NFATC2IP: variants seen among roughly 807,000 people sequenced by gnomAD.
NFATC2IP encodes nuclear factor of activated T cells 2 interacting protein.
Under a neutral mutation model 40.2 loss-of-function variants are expected in NFATC2IP, and 25 were observed. That is an observed-to-expected ratio of 0.62 (90% confidence interval 0.45 to 0.87). The LOEUF (loss-of-function observed/expected upper bound fraction) is 0.87, where lower values mean the gene tolerates loss of function less well. NFATC2IP is among the 40% of genes least tolerant of loss of function. NFATC2IP has a pLI of 0.00. For synonymous variants in NFATC2IP, 241 were observed against 236.3 expected (o/e 1.02, Z -0.18); for missense variants, 553 against 555.6 (o/e 1.00, Z 0.05).
intron 7 of NFATC2IP, among the ~76,000 whole-genome samples, chr16:28,961,352 A>G (rs1278818922): frequency 6.7e-6 from 1 of 149,706 alleles, no homozygotes; most frequent in African/African-American, 2.5e-5. Context: ...AAAAAAAAAA[A>G]AATTATTCCA....
intron 3 of NFATC2IP, among the ~76,000 whole-genome samples, chr16:28,955,702 G>A (rs772505529): frequency 1.3e-5 from 2 of 152,026 alleles, no homozygotes; most frequent in Admixed American, 6.6e-5. Context: ...GGGTTCAAGC[G>A]ACCCTCCCAC....
chr16:28,958,483 T>C (rs1362727314), intron 5 of NFATC2IP: 5 of 431,246 alleles, frequency 1.2e-5, no homozygotes, highest in Non-Finnish European at 8.3e-6. Context: ...TTTGCTGCAA[T>C]CCCCACCACC....
intron 5 of NFATC2IP, among the ~76,000 whole-genome samples, chr16:28,958,105 T>C (rs1019419183): frequency 7.7e-6 from 1 of 129,788 alleles, no homozygotes; most frequent in African/African-American, 3.4e-5. Context: ...CCGCCTCTAC[T>C]AAAAATAGAA....
At position 28,952,217 on chromosome 16, in the gene NFATC2IP, C is replaced by T. The variant is rs760919530; in HGVS notation, c.460+13C>T. 6.2e-7 allele frequency: 1 copy of T among 1,613,380 alleles called. No individual in the cohort carries two copies. The highest frequency in any genetic ancestry group is 1.1e-5 in the South Asian group (1 of 91,046). On this transcript the variant is annotated intron_variant, in intron 2 of 7. Coordinates refer to ENST00000320805, the MANE Select transcript of NFATC2IP (RefSeq NM_032815.4). ...GGGGATGAGGAAGGTAAGGGAGGGCCTCCAGGGAGAGGCACGCAGCCGCTG... is the reference window on the plus strand; with the variant it reads ...GGGGATGAGGAAGGTAAGGGAGGGCTTCCAGGGAGAGGCACGCAGCCGCTG...
intron 1 of NFATC2IP, among the ~76,000 whole-genome samples, chr16:28,951,918 C>T (rs1964971171): frequency 6.6e-6 from 1 of 152,062 alleles, no homozygotes; most frequent in African/African-American, 2.4e-5. Flanking sequence ...GCATACATTT[C>T]AGAGTGTCTT....
intron 5 of NFATC2IP, 56 bp from the exon 6 acceptor site, chr16:28,958,661 G>T: frequency 1.3e-6 from 2 of 1,491,554 alleles, no homozygotes; most frequent in Non-Finnish European, 1.8e-6. Context: ...TGGTGTGGCT[G>T]GGGGCATGGA....
chr16:28,962,034 G>A (rs1567514662), intron 7 of NFATC2IP, among the ~76,000 whole-genome samples: 1 of 151,894 alleles, frequency 6.6e-6, no homozygotes, highest in Non-Finnish European at 1.5e-5. Flanking sequence ...CTCCTGAGTA[G>A]TTGGGACTAC....
chr16:28,951,072 G>C lies in NFATC2IP; in HGVS notation c.61G>C (p.Gly21Arg). ...CGGAGGTAGCGGTGCCGGCCGAGGG[G>C]GTCGGGGCGGCTGGGGCGGTCGGGG... is the stretch of plus-strand genomic sequence containing the variant. Reference protein sequence around the residue: ...WSGGSGAGRGGRGGWGGRGRR... With the variant: ...WSGGSGAGRGRRGGWGGRGRR... The change falls in exon 1 of 8, where the codon GGT (glycine) becomes CGT (arginine). Residue 21 changes from glycine to arginine, a missense_variant. Transcript: ENST00000320805. 6 of 1,543,804 alleles carry C rather than the reference G, an allele frequency of 3.9e-6. No individual in the cohort carries two copies. The highest frequency in any genetic ancestry group is 5.2e-6 in the Non-Finnish European group (6 of 1,144,424).
chr16:28,962,750 T>C (rs1471987458), intron 7 of NFATC2IP, among the ~76,000 whole-genome samples: 4 of 152,212 alleles, frequency 2.6e-5, no homozygotes, highest in Non-Finnish European at 5.9e-5. Context: ...GGTCTCTTCA[T>C]GGAATCTGCC....
chr16:28,961,494 A>G (rs1471283570), intron 7 of NFATC2IP, among the ~76,000 whole-genome samples: 3 of 152,026 alleles, frequency 2.0e-5, no homozygotes, highest in African/African-American at 7.2e-5. Flanking sequence ...TTATTCTCTC[A>G]TTGTTCTGGA....
At position 28,950,961 on chromosome 16, in the gene NFATC2IP, G is replaced by C; in HGVS notation, c.-51G>C. 6.3e-6 allele frequency: 9 copies of C among 1,436,396 alleles called. No individual in the cohort carries two copies. The highest frequency in any genetic ancestry group is 8.2e-6 in the Non-Finnish European group (9 of 1,101,010). 89.0% of individuals were successfully genotyped at this position (1,436,396 alleles called of 1,614,324 possible). On this transcript the variant is annotated 5_prime_UTR_variant, in exon 1 of 8. Transcript: ENST00000320805. ...ATGCAAGGCGAAAGTCGCTGAAGGG[G>C]GCGGGGCGAGGCGAGAGGAGGCGGG... is the stretch of plus-strand genomic sequence containing the variant.
In NFATC2IP at chr16:28,964,195, A is replaced by G; in HGVS notation, c.*332A>G. The G allele has an allele frequency of 3.7e-6, 1 of 268,676 alleles. No individual in the cohort carries two copies. The highest frequency in any genetic ancestry group is 5.5e-5 in the South Asian group (1 of 18,052). The allele number at this position is 268,676 out of a possible 1,614,324, so 16.6% of individuals were successfully genotyped here. A position where few individuals can be genotyped will look rare whatever the true frequency, so the allele number is the denominator to read the frequency against. ...ATGGAAATGTCTGCTTTATGAAACTATGCACATATTGAAAGTGAGTTGAAA... is the reference window on the plus strand; with the variant it reads ...ATGGAAATGTCTGCTTTATGAAACTGTGCACATATTGAAAGTGAGTTGAAA... On this transcript the variant is annotated 3_prime_UTR_variant, in exon 8 of 8. Coordinates refer to ENST00000320805, the MANE Select transcript of NFATC2IP (RefSeq NM_032815.4).
In NFATC2IP at chr16:28,965,045, C is replaced by T. The variant is rs1394733047; in HGVS notation, c.*1182C>T. On this transcript the variant is annotated 3_prime_UTR_variant, in exon 8 of 8. Transcript: ENST00000320805. The stretch of plus-strand genomic sequence containing the variant: ...GGTGACTGACCCTCCTACTTGAGGC[C>T]GCCCTTTTCTCCTTATCCTTGCCAG... 4 of 152,154 alleles carry T rather than the reference C, an allele frequency of 2.6e-5. No individual in the cohort carries two copies. The highest frequency in any genetic ancestry group is 2.6e-4 in the Admixed American group (4 of 15,276). 9.4% of individuals were successfully genotyped at this position (152,154 alleles called of 1,614,324 possible).
At chr16:28,960,379 A>G (rs145964336) in intron 7 of NFATC2IP, among the ~76,000 whole-genome samples, 1 of 152,272 alleles carries the variant, frequency 6.6e-6, no homozygotes, top group Non-Finnish European at 1.5e-5. Flanking sequence ...TATACATCCC[A>G]TTCCAATATC....
intron 6 of NFATC2IP, 41 bp downstream of exon 6, chr16:28,958,902 C>T (rs1965052494): frequency 6.2e-7 from 1 of 1,611,344 alleles, no homozygotes; most frequent in African/African-American, 1.3e-5. Context: ...AGGCATTTGC[C>T]AGGGGAAGGG....
chr16:28,952,206 T>C lies in NFATC2IP; in HGVS notation c.460+2T>C. On this transcript the variant is annotated splice_donor_variant, in intron 2 of 7. Coordinates refer to ENST00000320805, the MANE Select transcript of NFATC2IP (RefSeq NM_032815.4). LOFTEE classifies it high-confidence loss of function. ...TCTACCCTCCAGGGGATGAGGAAGG[T>C]AAGGGAGGGCCTCCAGGGAGAGGCA... is the stretch of plus-strand genomic sequence containing the variant. 6.2e-7 allele frequency: 1 copy of C among 1,613,368 alleles called. No individual in the cohort carries two copies. The highest frequency in any genetic ancestry group is 8.5e-7 in the Non-Finnish European group (1 of 1,179,666).
chr16:28,955,012 A>G (rs886385696), intron 3 of NFATC2IP, among the ~76,000 whole-genome samples: 1 of 151,864 alleles, frequency 6.6e-6, no homozygotes, highest in Non-Finnish European at 1.5e-5. Context: ...GGAAACATAG[A>G]GAGACCCTGT....
In NFATC2IP at chr16:28,952,481, C is replaced by A. The variant is rs906361962; in HGVS notation, c.460+277C>A. 1.2e-5 allele frequency: 5 copies of A among 411,964 alleles called. No homozygotes were observed. In the Admixed American group the frequency reaches 1.3e-4, roughly 10 times the overall value. The allele number at this position is 411,964 out of a possible 1,614,324, so 25.5% of individuals were successfully genotyped here. On this transcript the variant is annotated intron_variant, in intron 2 of 7. Transcript: ENST00000320805. ...GAGAATCTGTGACATCTTGTTACAT[C>A]TGCAGCAAGTTCTTTGGGAACACTG...
intron 1 of NFATC2IP, among the ~76,000 whole-genome samples, chr16:28,951,637 T>C (rs1274553505): frequency 2.6e-5 from 4 of 151,906 alleles, no homozygotes; most frequent in African/African-American, 4.8e-5. Context: ...AGCTAGAGTC[T>C]TGGGGGCACA....
Sources: gnomAD v4.1 joint callset for allele counts (sites outside exome capture counted in the v4.1 genomes callset) on GRCh38, gnomAD v4.1.1 for gene constraint, MANE v1.5 for transcripts, NCBI Gene and HGNC (gene_info 2026-07-23, HGNC 2026-07-21) for gene names.